The following TCF3 variants were observed in gnomAD, a reference collection of about 807,000 sequenced individuals.
The protein encoded by TCF3 is transcription factor E2-alpha.
In TCF3, 54 loss-of-function variants were observed where a neutral mutation model predicts 72.3. That is an observed-to-expected ratio of 0.75 (90% CI 0.60 to 0.94). TCF3 has a LOEUF of 0.94. TCF3 is among the 40% of genes least tolerant of loss of function. The pLI is 0.00. For synonymous variants in TCF3, 525 were observed against 412.6 expected (o/e 1.27, Z -3.30); for missense variants, 1,078 against 934.4 (o/e 1.15, Z -2.00).
At chr19:1,621,682 C>A (rs971505555) in intron 11 of TCF3, among the ~76,000 whole-genome samples, 156 bp downstream of exon 11, 1 of 152,208 alleles carries the variant, frequency 6.6e-6, no homozygotes, top group African/African-American at 2.4e-5. Flanking sequence ...CGTGGCAGGC[C>A]CTGCAGACAG....
intron 1 of TCF3, among the ~76,000 whole-genome samples, chr19:1,651,665 G>A (rs934485379): frequency 6.6e-6 from 1 of 151,978 alleles, no homozygotes. Flanking sequence ...CTTTTTCCCG[G>A]GGGGAGGCGG....
chr19:1,612,318 C>A, intron 18 of TCF3: 1 of 1,613,936 alleles, frequency 6.2e-7, no homozygotes, highest in Non-Finnish European at 8.5e-7. Flanking sequence ...CGCCCCAGCT[C>A]CCGGAAGGCC....
chr19:1,612,019 G>A (rs931922827), intron 18 of TCF3, among the ~76,000 whole-genome samples, 170 bp from the exon 19 acceptor site: 3 of 151,980 alleles, frequency 2.0e-5, no homozygotes, highest in African/African-American at 7.2e-5. Context: ...TGGGGGGATG[G>A]GGTGGAGGCT....
At chr19:1,633,337 T>C (rs1225675132) in intron 3 of TCF3, among the ~76,000 whole-genome samples, 1 of 152,108 alleles carries the variant, frequency 6.6e-6, no homozygotes, top group Non-Finnish European at 1.5e-5. Flanking sequence ...TTTGCAGGGC[T>C]GGGGGTGTCC....
chr19:1,642,385 G>T (rs905071365), intron 3 of TCF3, among the ~76,000 whole-genome samples: 12 of 152,188 alleles, frequency 7.9e-5, no homozygotes, highest in Non-Finnish European at 1.5e-4. Flanking sequence ...CACCAATGTC[G>T]GCTTCCTAGG....
Position 1,621,151 on chromosome 19 carries a change from G to A in TCF3, c.996C>T (p.Leu332=), listed in dbSNP as rs368277155. 9.1e-5 allele frequency: 141 copies of A among 1,541,006 alleles called. 1 individual carries two copies. Among genetic ancestry groups the A allele is most frequent in the Non-Finnish European group, 1.1e-4 (130 of 1,145,802 alleles). Residue 332 remains leucine (L), a synonymous_variant, in exon 12 of 19, where the codon CTC becomes CTT. Coordinates refer to ENST00000262965, the MANE Select transcript of TCF3 (RefSeq NM_003200.5). The part of the protein sequence containing the change: ...GTTAGSSGDA[L]GKALASIYSP... ...GCCTCACCGAGGCCAGTGCTTTGCC[G>A]AGGGCATCCCCGGAGCTGCCAGCTG...
chr19:1,619,147 G>T lies in TCF3; in HGVS notation c.1414C>A (p.Leu472Ile). 6.2e-7 allele frequency: 1 copy of T among 1,600,130 alleles called. No individual in the cohort carries two copies. Among genetic ancestry groups the T allele is most frequent in the South Asian group, 1.1e-5 (1 of 91,068 alleles). Residue 472 changes from leucine to isoleucine, a missense_variant, in exon 16 of 19, where the codon CTC becomes ATC. Leu to Ile is a conservative substitution (Grantham distance 5, BLOSUM62 2). Transcript: ENST00000262965. ...HAALPSQPGTLPDLSRPPDSY... is the reference protein window; with the variant it reads ...HAALPSQPGTIPDLSRPPDSY... ...TCGGGAGGCCGAGACAGGTCAGGGA[G>T]GGTGCCTGGCTGGCTGGGGAGGGCC...
At chr19:1,651,001 G>C (rs2066941369) in intron 1 of TCF3, 1 of 231,024 alleles carries the variant, frequency 4.3e-6, no homozygotes, top group Admixed American at 5.7e-5. Context: ...TTACTGTCGC[G>C]ATGTATCCGG....
At chr19:1,641,162 C>CAAA (rs58100035) in intron 3 of TCF3, among the ~76,000 whole-genome samples, 8 of 124,748 alleles carry the variant, frequency 6.4e-5, no homozygotes, top group South Asian at 2.5e-4. Context: ...AACTCGGTCT[C>CAAA]AAAAAAAAAA....
intron 3 of TCF3, among the ~76,000 whole-genome samples, chr19:1,637,806 G>C (rs1261000591): frequency 3.9e-5 from 6 of 152,178 alleles, no homozygotes; most frequent in African/African-American, 1.4e-4. Flanking sequence ...CTACTCGGGA[G>C]GCTGAGGCAG....
intron 3 of TCF3, among the ~76,000 whole-genome samples, 171 bp downstream of exon 3, chr19:1,646,184 C>T (rs897150065): frequency 1.3e-5 from 2 of 152,168 alleles, no homozygotes; most frequent in Non-Finnish European, 2.9e-5. Flanking sequence ...ACACGGGCAA[C>T]GGCAGCTGAT....
rs577683162 is a variant in TCF3 at position 1,609,823 on chromosome 19, G to C, written c.*1884C>G. On this transcript the variant is annotated 3_prime_UTR_variant, in exon 19 of 19. Transcript: ENST00000262965. ...CTCCCAAGCCAGTCTGGGGAGGGGAGTCAGGCAGTCCAGGATCTCCTGGGG... is the reference window on the plus strand; with the variant it reads ...CTCCCAAGCCAGTCTGGGGAGGGGACTCAGGCAGTCCAGGATCTCCTGGGG... The C allele has an allele frequency of 1.6e-4, 37 of 231,950 alleles. No homozygotes were observed. In the South Asian group the frequency reaches 6.7e-3, roughly 42 times the overall value. The allele number at this position is 231,950 out of a possible 1,614,324, so 14.4% of individuals were successfully genotyped here.
At chr19:1,630,970 GC>G (rs2063644589) in intron 5 of TCF3, among the ~76,000 whole-genome samples, 1 of 152,218 alleles carries the variant, frequency 6.6e-6, no homozygotes, top group African/African-American at 2.4e-5. Context: ...CTGGAGGAGG[GC>G]GTCCCAGTCA....
At chr19:1,641,494 C>T (rs150987408) in intron 3 of TCF3, among the ~76,000 whole-genome samples, 8 of 152,252 alleles carry the variant, frequency 5.3e-5, no homozygotes, top group East Asian at 3.9e-4. Context: ...CCTCTGTCCC[C>T]GAGGCCAGAG....
rs921415613 is a variant in TCF3, at chr19:1,646,395, G to A, written c.105C>T (p.Gly35=). 6.5e-6 allele frequency: 10 copies of A among 1,550,172 alleles called. No individual in the cohort carries two copies. The African/African-American group carries it at 1.1e-4, about 17-fold the overall frequency. ...MFPLPVTNGK[G]RPASLAGAQF... ...GCGCCCCGGCCAGGGAGGCGGGCCG[G>A]CCCTTCCCGTTGGTGACAGGCAGCG... The change falls in exon 3 of 19, where the codon GGC becomes GGT. Residue 35 remains glycine, a synonymous_variant. Transcript: ENST00000262965.
At chr19:1,637,166 C>G (rs966472655) in intron 3 of TCF3, among the ~76,000 whole-genome samples, 1 of 151,662 alleles carries the variant, frequency 6.6e-6, no homozygotes, top group Non-Finnish European at 1.5e-5. Context: ...TCCACCAGAA[C>G]CAGGGACAAG....
Position 1,652,613 on chromosome 19 carries a change from T to A in TCF3, c.-353A>T, listed in dbSNP as rs2067290887. 1 of 145,822 alleles carries A rather than the reference T, an allele frequency of 6.9e-6. No individual in the cohort carries two copies. The highest frequency in any genetic ancestry group is 1.5e-5 in the Non-Finnish European group (1 of 65,680). 9.0% of individuals were successfully genotyped at this position (145,822 alleles called of 1,614,324 possible). ...CATCTTCCTGCGGCGGGAGACATGT[T>A]CCGCCCCCCGCCCGCGCCGCCCCGC... On this transcript the variant is annotated 5_prime_UTR_variant, in exon 1 of 19. Transcript: ENST00000262965.
rs41275842 is a variant in TCF3, at chr19:1,627,423, T to C, written c.302A>G (p.Lys101Arg). 0.013 allele frequency: 20,357 copies of C among 1,611,810 alleles called. 160 individuals carry two copies. Among genetic ancestry groups the C allele is most frequent in the Non-Finnish European group, 0.015 (18,283 of 1,179,556 alleles). Reference sequence around the variant, plus strand: ...GGCATAGGCGCCCCGCTCACCGCTCTTGCCTGCAAGGGGAGAAGGAAGGTT... The same window carrying C: ...GGCATAGGCGCCCCGCTCACCGCTCCTGCCTGCAAGGGGAGAAGGAAGGTT... ...STFLGPGLGG[K>R]SGERGAYASF... The change falls in exon 6 of 19, where the codon AAG becomes AGG. Residue 101 changes from lysine (K) to arginine (R), a missense_variant. Lys to Arg is a conservative substitution (Grantham distance 26). Coordinates refer to ENST00000262965, the MANE Select transcript of TCF3 (RefSeq NM_003200.5).
chr19:1,646,559 G>GCCCGTCCTGCTCCGC lies in TCF3; in HGVS notation c.73-147_73-133dup, dbSNP rs1568507991. ...TGAGACTGCGCTCCATCTAGGCCCG[G>GCCCGTCCTGCTCCGC]CCCGTCCTGCTCCGCCCCATCACAG... On this transcript the variant is annotated intron_variant, in intron 2 of 18. Transcript: ENST00000262965. 3 of 758,202 alleles carry GCCCGTCCTGCTCCGC rather than the reference G, an allele frequency of 4.0e-6. No individual in the cohort carries two copies. The African/African-American group carries it at 5.2e-5, about 13-fold the overall frequency. The allele number at this position is 758,202 out of a possible 1,614,324, so 47.0% of individuals were successfully genotyped here. A position where few individuals can be genotyped will look rare whatever the true frequency, so the allele number is the denominator to read the frequency against.
Sources: allele counts gnomAD v4.1 joint callset (sites outside exome capture counted in the v4.1 genomes callset), GRCh38; gene constraint gnomAD v4.1.1; transcripts MANE v1.5; gene names NCBI Gene and HGNC (gene_info 2026-07-23, HGNC 2026-07-21).